Variants in CALR3 observed in about 807,000 individuals in gnomAD.
CALR3 encodes the protein calreticulin-3.
Under a neutral mutation model 48.7 loss-of-function variants are expected in CALR3, and 39 were observed. The observed-to-expected ratio is 0.80, with a 90% CI of 0.62 to 1.05. The LOEUF (loss-of-function observed/expected upper bound fraction) is 1.05. Ranked by LOEUF, CALR3 falls within the 50% of genes least tolerant of loss-of-function variation. The probability of loss-of-function intolerance (pLI) is 0.00; values close to 1 mark genes in which losing one functional copy is unlikely to be tolerated. For synonymous variants in CALR3, 185 were observed against 172.7 expected (o/e 1.07, Z -0.56); for missense variants, 449 against 474.7 (o/e 0.95, Z 0.50).
At position 16,479,103 on chromosome 19, in the gene CALR3, C is replaced by G. The variant is rs1288778259; in HGVS notation, c.*28G>C. Reference sequence around the variant, plus strand: ...GATTAAAGTAGCAATGAGATTTTACCAGTCATCCTTATATCCAATGGGGAT... The same window carrying G: ...GATTAAAGTAGCAATGAGATTTTACGAGTCATCCTTATATCCAATGGGGAT... On this transcript the variant is annotated 3_prime_UTR_variant, in exon 9 of 9. Coordinates refer to ENST00000269881, the MANE Select transcript of CALR3 (RefSeq NM_145046.5). The G allele has an allele frequency of 6.2e-7, 1 of 1,612,374 alleles. No individual in the cohort carries two copies. The highest frequency in any genetic ancestry group is 1.7e-5 in the Admixed American group (1 of 59,978).
chr19:16,496,074 G>C lies in CALR3; in HGVS notation c.56C>G (p.Ala19Gly). 6.2e-7 allele frequency: 1 copy of C among 1,606,070 alleles called. No individual in the cohort carries two copies. Among genetic ancestry groups the C allele is most frequent in the Non-Finnish European group, 8.5e-7 (1 of 1,176,302 alleles). The change falls in exon 1 of 9, where the codon GCT becomes GGT. Residue 19 changes from alanine to glycine, a missense_variant. By Grantham distance (60) the Ala-to-Gly change is moderately conservative. Transcript: ENST00000269881. ...WAICMLRVAL[A>G]TVYFQEEFLD... ...AAATTCCTCTTGGAAATAGACGGTA[G>C]CCAGCGCCACTCGCAGCATGCATAT...
At chr19:16,495,227 CAAAAAAAAA>C (rs548752979) in intron 2 of CALR3, among the ~76,000 whole-genome samples, 253 of 123,060 alleles carry the variant, frequency 2.1e-3, no homozygotes, top group Middle Eastern at 9.9e-3. Flanking sequence ...CTCCTACTAC[CAAAAAAAAA>C]AAAAAAAAAA....
At chr19:16,485,955 G>A (rs2093388426) in intron 3 of CALR3, among the ~76,000 whole-genome samples, 1 of 152,136 alleles carries the variant, frequency 6.6e-6, no homozygotes, top group African/African-American at 2.4e-5. Context: ...ACTGCATCTG[G>A]TCACATGTGT....
chr19:16,487,142 A>G (rs2093390299), intron 3 of CALR3, among the ~76,000 whole-genome samples: 1 of 151,942 alleles, frequency 6.6e-6, no homozygotes, highest in African/African-American at 2.4e-5. Flanking sequence ...AGTAGCTAGA[A>G]CCACAGGGGT....
At chr19:16,490,642 G>A in intron 2 of CALR3, 72 bp from the exon 3 acceptor site, 1 of 1,308,100 alleles carries the variant, frequency 7.6e-7, no homozygotes, top group Non-Finnish European at 1.1e-6. Context: ...TTAAATCGAT[G>A]TCCTTCCCTT....
intron 2 of CALR3, among the ~76,000 whole-genome samples, chr19:16,495,536 G>T (rs2093406073): frequency 7.4e-6 from 1 of 134,550 alleles, no homozygotes; most frequent in Admixed American, 8.1e-5. Context: ...TCCAGCCTGG[G>T]CAACAGAGCA....
chr19:16,486,610 A>T (rs1041004824), intron 3 of CALR3, among the ~76,000 whole-genome samples: 3 of 110,684 alleles, frequency 2.7e-5, no homozygotes, highest in African/African-American at 1.0e-4. Context: ...ACAGAGCAAG[A>T]TTCTATCTCA....
chr19:16,484,139 G>C, intron 4 of CALR3, 24 bp from the exon 5 acceptor site: 1 of 1,573,420 alleles, frequency 6.4e-7, no homozygotes, highest in Non-Finnish European at 8.7e-7. Flanking sequence ...GGGGAAAAGC[G>C]TAACAATTAA....
intron 1 of CALR3, 79 bp downstream of exon 1, chr19:16,495,960 C>G (rs2093407522): frequency 1.3e-6 from 2 of 1,560,880 alleles, no homozygotes; most frequent in Non-Finnish European, 1.7e-6. Flanking sequence ...GCCGTGGACC[C>G]CGTGGCGACT....
In CALR3 at chr19:16,496,112, G is replaced by T; in HGVS notation, c.18C>A (p.Val6=). Reference sequence around the variant, plus strand: ...GCAGCATGCATATGGCCCAGAGCTGGACCAAAGCCCGGGCCATGGGGGTGT... The same window carrying T: ...GCAGCATGCATATGGCCCAGAGCTGTACCAAAGCCCGGGCCATGGGGGTGT... MARAL[V]QLWAICMLRV... The change falls in exon 1 of 9, where the codon GTC becomes GTA. Residue 6 remains valine (V), a synonymous_variant. Coordinates refer to ENST00000269881, the MANE Select transcript of CALR3 (RefSeq NM_145046.5). 6.2e-7 allele frequency: 1 copy of T among 1,604,692 alleles called. No individual in the cohort carries two copies. Among genetic ancestry groups the T allele is most frequent in the Non-Finnish European group, 8.5e-7 (1 of 1,175,878 alleles).
chr19:16,481,978 C>T (rs1162611866), intron 7 of CALR3, among the ~76,000 whole-genome samples: 1 of 145,744 alleles, frequency 6.9e-6, no homozygotes, highest in Non-Finnish European at 1.5e-5. Flanking sequence ...CCGATCTCAG[C>T]TCACTGCAAG....
Position 16,491,449 on chromosome 19 carries a change from C to A in CALR3, c.194-879G>T, listed in dbSNP as rs557306253. On this transcript the variant is annotated intron_variant, in intron 2 of 8. Coordinates refer to ENST00000269881, the MANE Select transcript of CALR3 (RefSeq NM_145046.5). ...TCCCTTTCCTAAACATTCTACTCTG[C>A]CTTTTCAGCATAAAAGGCAGCCATA... Among the ~76,000 whole-genome samples the A allele has an allele frequency of 3.3e-5, 5 of 151,212 alleles. No individual in the cohort carries two copies. The East Asian group carries it at 1.0e-3, about 30-fold the overall frequency.
chr19:16,495,579 A>G (rs76350569), intron 2 of CALR3, among the ~76,000 whole-genome samples, 172 bp downstream of exon 2: 21 of 144,418 alleles, frequency 1.5e-4, no homozygotes, highest in Non-Finnish European at 2.7e-4. Context: ...AAAAAAAAAA[A>G]GGAGAGAAGA....
In CALR3 at chr19:16,480,602, C is replaced by A. The variant is rs777158814; in HGVS notation, c.1011+12G>T. 2 of 1,568,808 alleles carry A rather than the reference C, an allele frequency of 1.3e-6. No homozygotes were observed. Among genetic ancestry groups the A allele is most frequent in the Non-Finnish European group, 1.8e-6 (2 of 1,138,874 alleles). ...ATAGTGATGTAGGAAGAGTTAATCA[C>A]GTGCTTCATACCTTGGTTTCGCCCC... On this transcript the variant is annotated intron_variant, in intron 8 of 8. Transcript: ENST00000269881.
rs766911825 is a variant in CALR3, at chr19:16,495,781, T to C, written c.163A>G (p.Lys55Glu). ...TCTTTCTCTTTATGACCATAAAACT[T>C]GCCCGACGAAAGTCTAAAATGCCCA... ...RFGHFRLSSG[K>E]FYGHKEKDKG... Residue 55 changes from lysine to glutamate, a missense_variant, in exon 2 of 9, where the codon AAG (lysine) becomes GAG (glutamate). By Grantham distance (56) the Lys-to-Glu change is moderately conservative. Coordinates refer to ENST00000269881, the MANE Select transcript of CALR3 (RefSeq NM_145046.5). 3.3e-5 allele frequency: 53 copies of C among 1,613,980 alleles called. No individual in the cohort carries two copies. In the Middle Eastern group the frequency reaches 4.9e-4, roughly 15 times the overall value.
At chr19:16,480,783 T>A in intron 7 of CALR3, 77 bp from the exon 8 acceptor site, 1 of 1,111,294 alleles carries the variant, frequency 9.0e-7, no homozygotes. Context: ...CTTTTTTCCT[T>A]TGGAAATACA....
intron 3 of CALR3, among the ~76,000 whole-genome samples, chr19:16,488,515 C>CT (rs1158876789): frequency 1.3e-5 from 2 of 152,102 alleles, no homozygotes; most frequent in African/African-American, 4.8e-5. Context: ...AGCAATTCTC[C>CT]TGCCTCAGCC....
chr19:16,491,536 T>C (rs999035197), intron 2 of CALR3, among the ~76,000 whole-genome samples: 1 of 150,456 alleles, frequency 6.6e-6, no homozygotes, highest in African/African-American at 2.4e-5. Flanking sequence ...CCCAGCACTT[T>C]GGGAGGCTGA....
At chr19:16,486,538 T>C (rs1478865392) in intron 3 of CALR3, among the ~76,000 whole-genome samples, 2 of 149,326 alleles carry the variant, frequency 1.3e-5, no homozygotes, top group African/African-American at 5.0e-5. Context: ...GAGAATGGCT[T>C]GAACCTGGGA....
Sources: gnomAD v4.1 joint callset for allele counts (sites outside exome capture counted in the v4.1 genomes callset) on GRCh38, gnomAD v4.1.1 for gene constraint, MANE v1.5 for transcripts, NCBI Gene and HGNC (gene_info 2026-07-23, HGNC 2026-07-21) for gene names.